TBC1D21: variants seen among roughly 807,000 people sequenced by gnomAD.
TBC1D21 encodes male germ cell Rab GTPase-activating protein.
Under a neutral mutation model 46.0 loss-of-function variants are expected in TBC1D21, and 38 were observed. The observed-to-expected ratio is 0.83, with a 90% CI of 0.64 to 1.08. TBC1D21 has a LOEUF of 1.08. Ranked by LOEUF, TBC1D21 falls within the 50% of genes least tolerant of loss-of-function variation. The probability of loss-of-function intolerance (pLI) is 0.00; values close to 1 mark genes in which losing one functional copy is unlikely to be tolerated. For missense variants in TBC1D21, 415 were observed against 417.9 expected (o/e 0.99, Z 0.06); for synonymous variants, 151 against 157.2 (o/e 0.96, Z 0.29).
At chr15:73,885,945 T>G in intron 6 of TBC1D21, 133 bp from the exon 7 acceptor site, 1 of 677,294 alleles carries the variant, frequency 1.5e-6, no homozygotes, top group South Asian at 1.8e-5. Flanking sequence ...ACACTCAGAC[T>G]CATAGAGACA....
downstream of TBC1D21, among the ~76,000 whole-genome samples, chr15:73,894,064 C>T (rs2068357406): frequency 1.3e-5 from 2 of 152,230 alleles, no homozygotes; most frequent in South Asian, 4.1e-4. Context: ...AGTCATTACC[C>T]TCTCATTACC....
intron 9 of TBC1D21, 54 bp downstream of exon 9, chr15:73,887,790 C>T: frequency 7.0e-7 from 1 of 1,438,816 alleles, no homozygotes; most frequent in Non-Finnish European, 9.7e-7. Context: ...CCCTGACACC[C>T]CACCCCACCC....
chr15:73,890,248 G>C (rs1042437401), downstream of TBC1D21, among the ~76,000 whole-genome samples: 3 of 152,162 alleles, frequency 2.0e-5, no homozygotes, highest in African/African-American at 7.2e-5. Context: ...TCCCCAATGA[G>C]TGCTTGGTCT....
downstream of TBC1D21, among the ~76,000 whole-genome samples, chr15:73,893,935 A>T (rs1282635015): frequency 6.6e-6 from 1 of 152,242 alleles, no homozygotes; most frequent in Non-Finnish European, 1.5e-5. Context: ...AGCTGTACTA[A>T]TTGGGTAATT....
At chr15:73,874,913 C>T (rs1374386373) in intron 1 of TBC1D21, among the ~76,000 whole-genome samples, 4 of 152,282 alleles carry the variant, frequency 2.6e-5, no homozygotes, top group East Asian at 1.9e-4. Context: ...CCCCTTGTTA[C>T]GGTTGGGAGT....
chr15:73,886,639 G>A (rs367617384), intron 8 of TBC1D21, 27 bp downstream of exon 8: 159 of 1,600,462 alleles, frequency 9.9e-5, no homozygotes, highest in Non-Finnish European at 1.3e-4. Context: ...GGGATCATCA[G>A]GCTGGGCTCC....
chr15:73,882,599 A>G (rs1168463113), intron 3 of TBC1D21, among the ~76,000 whole-genome samples: 2 of 152,146 alleles, frequency 1.3e-5, no homozygotes, highest in East Asian at 3.9e-4. Flanking sequence ...CCATCTTTGA[A>G]CTTGGACCGT....
chr15:73,885,853 C>T (rs1321747387), intron 6 of TBC1D21, among the ~76,000 whole-genome samples: 1 of 151,480 alleles, frequency 6.6e-6, no homozygotes, highest in Non-Finnish European at 1.5e-5. Context: ...ACACAGCCAC[C>T]CAGAGGCGTA....
chr15:73,909,421 A>G, the TBC1D21 span, among the ~76,000 whole-genome samples: 1 of 152,136 alleles, frequency 6.6e-6, no homozygotes, highest in Non-Finnish European at 1.5e-5. Context: ...AAAGTGCATA[A>G]TAAATGCTAG....
At chr15:73,898,880 A>AAAAAATATATAT in the TBC1D21 span, among the ~76,000 whole-genome samples, 3 of 56,804 alleles carry the variant, frequency 5.3e-5, no homozygotes, top group African/African-American at 1.6e-4. Context: ...AAAAAAAAAA[A>AAAAAATATATAT]ATATATATAT....
chr15:73,899,874 C>A, the TBC1D21 span, among the ~76,000 whole-genome samples: 3 of 152,172 alleles, frequency 2.0e-5, no homozygotes, highest in Non-Finnish European at 2.9e-5. Context: ...GCACTTGGAC[C>A]TTCTGTGGTT....
the TBC1D21 span, among the ~76,000 whole-genome samples, chr15:73,909,474 G>A: frequency 1.5e-4 from 23 of 152,192 alleles, no homozygotes; most frequent in Non-Finnish European, 2.9e-5. Context: ...CTTGCCACGG[G>A]CTTCACGAGA....
At chr15:73,892,852 C>T (rs796630688), downstream of TBC1D21, among the ~76,000 whole-genome samples, 5 of 152,324 alleles carry the variant, frequency 3.3e-5, no homozygotes, top group African/African-American at 1.2e-4. Flanking sequence ...AATTCCATGA[C>T]AATAACACAA....
chr15:73,876,204 T>TG lies in TBC1D21; in HGVS notation c.60+2435_60+2436insG, dbSNP rs2068059183. Among the ~76,000 whole-genome samples the TG allele has an allele frequency of 2.0e-4, 2 of 10,114 alleles. 1 individual carries two copies. 6.6% of individuals were successfully genotyped at this position (10,114 alleles called of 152,430 possible). The stretch of plus-strand genomic sequence containing the variant: ...ATCAGTGACTTTTTTTGTGGGTTTT[T>TG]TTTTTTTTTTTTTTTTTTTTTTTTT... On this transcript the variant is annotated intron_variant, in intron 1 of 10. Coordinates refer to ENST00000300504, the MANE Select transcript of TBC1D21 (RefSeq NM_153356.3).
chr15:73,884,294 C>A, intron 4 of TBC1D21, 49 bp downstream of exon 4: 1 of 1,523,438 alleles, frequency 6.6e-7, no homozygotes, highest in Non-Finnish European at 9.1e-7. Context: ...GGCTTGAAGC[C>A]AACCCTGCCC....
the TBC1D21 span, among the ~76,000 whole-genome samples, chr15:73,904,994 C>G: frequency 1.3e-5 from 2 of 152,150 alleles, no homozygotes; most frequent in East Asian, 3.9e-4. Context: ...AAGAATTTAG[C>G]GACAAAAACA....
At position 73,886,120 on chromosome 15, in the gene TBC1D21, G is replaced by T; in HGVS notation, c.622G>T (p.Asp208Tyr). The T allele has an allele frequency of 1.2e-6, 2 of 1,614,194 alleles. No individual in the cohort carries two copies. Among genetic ancestry groups the T allele is most frequent in the Non-Finnish European group, 1.7e-6 (2 of 1,180,038 alleles). Residue 208 changes from aspartate (D) to tyrosine (Y), a missense_variant, in exon 7 of 11, where the codon GAC (aspartate) becomes TAC (tyrosine). By Grantham distance (160) the Asp-to-Tyr change is radical. Coordinates refer to ENST00000300504, the MANE Select transcript of TBC1D21 (RefSeq NM_153356.3). The stretch of plus-strand genomic sequence containing the variant: ...CAACATTGGCGTGGCCAAGAACCTA[G>T]ACATGCTCAGCACCCTGATCACCTT... ...VINIGVAKNL[D>Y]MLSTLITFLD... is the part of the protein sequence containing the mutation.
chr15:73,888,544 TC>T, intron 10 of TBC1D21, 31 bp downstream of exon 10: 1 of 1,386,660 alleles, frequency 7.2e-7, no homozygotes, highest in East Asian at 3.5e-5. Context: ...GTCCTCCTCC[TC>T]CTCTTCCTCC....
chr15:73,898,099 G>C, the TBC1D21 span, among the ~76,000 whole-genome samples: 1 of 152,234 alleles, frequency 6.6e-6, no homozygotes, highest in African/African-American at 2.4e-5. Context: ...AATGAGGGCA[G>C]TCTGGAGAGG....
Sources: allele counts gnomAD v4.1 joint callset (sites outside exome capture counted in the v4.1 genomes callset), GRCh38; gene constraint gnomAD v4.1.1; transcripts MANE v1.5; gene names NCBI Gene and HGNC (gene_info 2026-07-23, HGNC 2026-07-21).